The following TRPC4 variants were observed in gnomAD, a reference collection of about 807,000 sequenced individuals.
The protein encoded by TRPC4 is transient receptor potential cation channel subfamily C member 4.
TRPC4 carries 49 observed loss-of-function variants against 99.4 expected under a neutral mutation model. The ratio of observed to expected loss-of-function variants is 0.49; its 90% CI spans 0.39 to 0.63. TRPC4 has a LOEUF of 0.63. Ranked by LOEUF, TRPC4 falls within the 20% of genes least tolerant of loss-of-function variation. The probability of loss-of-function intolerance (pLI) is 0.00; values close to 1 mark genes in which losing one functional copy is unlikely to be tolerated. For missense variants in TRPC4, 898 were observed against 1,152.9 expected (o/e 0.78, Z 3.20); for synonymous variants, 454 against 425.9 (o/e 1.07, Z -0.81).
intron 3 of TRPC4, among the ~76,000 whole-genome samples, chr13:37,695,426 C>A (rs972810833): frequency 1.5e-4 from 23 of 152,166 alleles, no homozygotes; most frequent in African/African-American, 4.6e-4. Context: ...GAGCCTACAG[C>A]CCCCCTCCTA....
chr13:37,800,367 C>T, intron 1 of TRPC4, among the ~76,000 whole-genome samples: 2 of 152,134 alleles, frequency 1.3e-5, no homozygotes, highest in Non-Finnish European at 2.9e-5. Context: ...CTGCATCTGA[C>T]TGACGGTTTT....
intron 3 of TRPC4, among the ~76,000 whole-genome samples, chr13:37,708,939 C>A (rs963940736): frequency 6.6e-6 from 1 of 151,874 alleles, no homozygotes; most frequent in Admixed American, 6.6e-5. Flanking sequence ...TCATTTATGA[C>A]ATACTTGCCT....
intron 1 of TRPC4, among the ~76,000 whole-genome samples, chr13:37,790,218 G>A (rs1205258055): frequency 6.6e-6 from 1 of 151,954 alleles, no homozygotes; most frequent in Non-Finnish European, 1.5e-5. Flanking sequence ...AAATAATAGA[G>A]TATAAGGACT....
intron 3 of TRPC4, among the ~76,000 whole-genome samples, chr13:37,727,962 T>C (rs765304941): frequency 3.9e-5 from 6 of 152,058 alleles, no homozygotes; most frequent in Non-Finnish European, 7.4e-5. Context: ...TCTCAATTGA[T>C]TCAGGAAAAT....
chr13:37,742,447 T>C (rs1287089260), intron 3 of TRPC4, among the ~76,000 whole-genome samples: 1 of 152,142 alleles, frequency 6.6e-6, no homozygotes, highest in Non-Finnish European at 1.5e-5. Context: ...GGGGCTACAG[T>C]ATGACTGGTG....
At chr13:37,801,690 C>T (rs1957406005) in intron 1 of TRPC4, among the ~76,000 whole-genome samples, 2 of 151,964 alleles carry the variant, frequency 1.3e-5, no homozygotes, top group African/African-American at 4.8e-5. Context: ...TACTGCTTTT[C>T]CTTCTGAAAT....
At chr13:37,672,686 G>T (rs549310949) in intron 5 of TRPC4, among the ~76,000 whole-genome samples, 1 of 152,310 alleles carries the variant, frequency 6.6e-6, no homozygotes, top group East Asian at 1.9e-4. Context: ...AGAAGAAGGG[G>T]ACTGGAGAGC....
intron 3 of TRPC4, among the ~76,000 whole-genome samples, chr13:37,698,177 T>TTTTTTTTTTTTTTTTTTTTTC (rs1555259178): frequency 2.2e-5 from 3 of 139,318 alleles, no homozygotes; most frequent in Admixed American, 7.4e-5. Flanking sequence ...CTTTTTTTTT[T>TTTTTTTTTTTTTTTTTTTTTC]TGAGTGGGAA....
intron 10 of TRPC4, among the ~76,000 whole-genome samples, chr13:37,638,739 G>A (rs553702525): frequency 3.3e-4 from 50 of 152,176 alleles, no homozygotes; most frequent in Middle Eastern, 6.8e-3. Flanking sequence ...TAAATGTTTC[G>A]GATTTAAAAA....
chr13:37,692,749 T>C (rs931286759), intron 3 of TRPC4, among the ~76,000 whole-genome samples: 3 of 152,222 alleles, frequency 2.0e-5, no homozygotes, highest in Non-Finnish European at 4.4e-5. Flanking sequence ...ACATTACACT[T>C]AATTTTTATT....
At chr13:37,864,481 C>CA (rs1480069223) in intron 1 of TRPC4, among the ~76,000 whole-genome samples, 1 of 151,598 alleles carries the variant, frequency 6.6e-6, no homozygotes, top group African/African-American at 2.4e-5. Flanking sequence ...ATAAGTGCAA[C>CA]ATTATCACAA....
At chr13:37,739,243 T>G (rs896766421) in intron 3 of TRPC4, among the ~76,000 whole-genome samples, 2 of 152,138 alleles carry the variant, frequency 1.3e-5, no homozygotes, top group African/African-American at 4.8e-5. Flanking sequence ...CATGAATCTT[T>G]TCAAAGCAGT....
At chr13:37,821,360 A>T (rs926724729) in intron 1 of TRPC4, among the ~76,000 whole-genome samples, 2 of 152,188 alleles carry the variant, frequency 1.3e-5, no homozygotes, top group Admixed American at 1.3e-4. Context: ...GAATAGGAAT[A>T]ATCAATATTG....
chr13:37,866,838 A>ATTTTTTTT (rs113636425), intron 1 of TRPC4, among the ~76,000 whole-genome samples: 1 of 56,900 alleles, frequency 1.8e-5, no homozygotes, highest in Non-Finnish European at 3.6e-5. Context: ...TTTAATGTTT[A>ATTTTTTTT]TTTTTTGTGG....
At chr13:37,865,527 T>G (rs1435915077) in intron 1 of TRPC4, among the ~76,000 whole-genome samples, 1 of 151,744 alleles carries the variant, frequency 6.6e-6, no homozygotes. Context: ...CTGCTCAAGA[T>G]AAGTAGCTTA....
At chr13:37,691,423 A>G (rs1274381379) in intron 4 of TRPC4, among the ~76,000 whole-genome samples, 1 of 152,172 alleles carries the variant, frequency 6.6e-6, no homozygotes, top group Non-Finnish European at 1.5e-5. Context: ...GATTTTCACT[A>G]GCTACTTTAA....
At chr13:37,735,636 T>C (rs887162749) in intron 3 of TRPC4, among the ~76,000 whole-genome samples, 4 of 152,150 alleles carry the variant, frequency 2.6e-5, no homozygotes, top group African/African-American at 9.6e-5. Context: ...ACCCGTTTTA[T>C]GCTGAAAAAC....
chr13:37,778,843 G>A (rs996208259), intron 2 of TRPC4, among the ~76,000 whole-genome samples: 1 of 152,058 alleles, frequency 6.6e-6, no homozygotes. Context: ...GGTTAGCATA[G>A]TATAGTATGA....
At chr13:37,809,253 T>C (rs558430767) in intron 1 of TRPC4, among the ~76,000 whole-genome samples, 2 of 152,122 alleles carry the variant, frequency 1.3e-5, no homozygotes, top group Non-Finnish European at 2.9e-5. Context: ...AATATCAAAA[T>C]TAGAATAAGC....
Sources: allele counts gnomAD v4.1 joint callset (sites outside exome capture counted in the v4.1 genomes callset), GRCh38; gene constraint gnomAD v4.1.1; transcripts MANE v1.5; gene names NCBI Gene and HGNC (gene_info 2026-07-23, HGNC 2026-07-21).